Variants in SCN2B observed in about 807,000 individuals in gnomAD.
The protein encoded by SCN2B is sodium voltage-gated channel beta subunit 2.
In SCN2B, 14 loss-of-function variants were observed where a neutral mutation model predicts 18.2. The observed-to-expected ratio is 0.77, with a 90% CI of 0.51 to 1.21. The LOEUF is 1.21. SCN2B is among the 50% of genes most tolerant of loss of function. SCN2B has a pLI of 0.00. For synonymous variants in SCN2B, 115 were observed against 115.3 expected (o/e 1.00, Z 0.02); for missense variants, 262 against 286.9 (o/e 0.91, Z 0.63).
intron 1 of SCN2B, among the ~76,000 whole-genome samples, chr11:118,174,721 T>C (rs1360269270): frequency 6.6e-6 from 1 of 152,114 alleles, no homozygotes; most frequent in Non-Finnish European, 1.5e-5. Context: ...GACTCCCTCT[T>C]CCTCACCCTA....
rs1202454854 is a variant in SCN2B, at chr11:118,164,865, G to C, written c.*2022C>G. The C allele has an allele frequency of 1.3e-5, 2 of 152,662 alleles. No individual in the cohort carries two copies. Among genetic ancestry groups the C allele is most frequent in the Non-Finnish European group, 2.9e-5 (2 of 68,074 alleles). 9.5% of individuals were successfully genotyped at this position (152,662 alleles called of 1,614,324 possible). ...GCTGAATCTCCCAGATGATATTGCT[G>C]TCTCCCCAAATTGGCAATCTGATGG... is the stretch of plus-strand genomic sequence containing the variant. On this transcript the variant is annotated 3_prime_UTR_variant, in exon 4 of 4. Coordinates refer to ENST00000278947, the MANE Select transcript of SCN2B (RefSeq NM_004588.5).
chr11:118,175,694 C>G (rs1948463894), intron 1 of SCN2B, among the ~76,000 whole-genome samples: 1 of 152,166 alleles, frequency 6.6e-6, no homozygotes, highest in East Asian at 1.9e-4. Context: ...CCTCGCTCAG[C>G]CTGTGGGTTC....
intron 3 of SCN2B, among the ~76,000 whole-genome samples, chr11:118,167,622 T>A (rs1275691145): frequency 6.6e-6 from 1 of 152,214 alleles, no homozygotes; most frequent in Non-Finnish European, 1.5e-5. Context: ...AGTGGCACAA[T>A]CATGATTCAC....
chr11:118,170,574 TG>T (rs1267574316), intron 1 of SCN2B, among the ~76,000 whole-genome samples: 1 of 151,860 alleles, frequency 6.6e-6, no homozygotes, highest in Admixed American at 6.5e-5. Flanking sequence ...CCTGCAGGGT[TG>T]GGGAGTATGG....
chr11:118,172,865 A>G (rs913869719), intron 1 of SCN2B, among the ~76,000 whole-genome samples: 11 of 150,204 alleles, frequency 7.3e-5, no homozygotes, highest in African/African-American at 2.7e-4. Context: ...CCCTACAGCA[A>G]CCTATGAGGT....
chr11:118,168,690 A>G lies in SCN2B; in HGVS notation c.132T>C (p.Ser44=). ...VPATLNVLNG[S]DARLPCTFNS... is the part of the protein sequence containing the mutation. ...TGAAGGTGCAGGGCAGGCGGGCGTC[A>G]GAGCCATTGAGGACGTTGAGGGTGG... The change falls in exon 2 of 4, where the codon TCT becomes TCC. Residue 44 remains serine (S), a synonymous_variant. Transcript: ENST00000278947. The surrounding 1 kb of genome is among the most constrained non-coding windows in gnomAD (Gnocchi z 4.7). 6.2e-7 allele frequency: 1 copy of G among 1,614,244 alleles called. No individual in the cohort carries two copies. The highest frequency in any genetic ancestry group is 1.3e-5 in the African/African-American group (1 of 75,064).
rs1272837519 is a variant in SCN2B, at chr11:118,168,060, C to T, written c.448+25G>A. On this transcript the variant is annotated intron_variant, in intron 3 of 3. Transcript: ENST00000278947. The surrounding 1 kb of genome is among the most constrained non-coding windows in gnomAD (Gnocchi z 4.7). ...TAGGTGGGTGGGAAAGGTCAGGGCCCCGCAGCTGGCACCCCAGCCTTCACC... is the reference window on the plus strand; with the variant it reads ...TAGGTGGGTGGGAAAGGTCAGGGCCTCGCAGCTGGCACCCCAGCCTTCACC... 6.2e-7 allele frequency: 1 copy of T among 1,601,358 alleles called. No individual in the cohort carries two copies. Among genetic ancestry groups the T allele is most frequent in the Non-Finnish European group, 8.5e-7 (1 of 1,171,482 alleles).
intron 1 of SCN2B, among the ~76,000 whole-genome samples, chr11:118,174,801 G>A (rs974662134): frequency 7.2e-5 from 11 of 152,270 alleles, no homozygotes; most frequent in African/African-American, 2.4e-4. Context: ...CTCACCAGGC[G>A]GCTTCTCTCC....
chr11:118,172,886 T>C (rs1443210986), intron 1 of SCN2B, among the ~76,000 whole-genome samples: 1 of 108,788 alleles, frequency 9.2e-6, no homozygotes, highest in East Asian at 2.5e-4. Flanking sequence ...AATTATTTTC[T>C]TCTTGGTTTT....
rs1023356508 is a variant in SCN2B, at chr11:118,176,422, C to G, written c.10G>C (p.Asp4His). MHR[D>H]AWLPRPAFSL... ...AAGGCAGGGCGAGGTAGCCAGGCAT[C>G]TCTGTGCATTTTCAGAGACTGAGAT... The change falls in exon 1 of 4, where the codon GAT becomes CAT. Residue 4 changes from aspartate to histidine, a missense_variant. Transcript: ENST00000278947. 1.2e-6 allele frequency: 2 copies of G among 1,614,010 alleles called. No individual in the cohort carries two copies. Among genetic ancestry groups the G allele is most frequent in the East Asian group, 4.5e-5 (2 of 44,880 alleles).
At chr11:118,167,809 A>G (rs535156857) in intron 3 of SCN2B, among the ~76,000 whole-genome samples, 2 of 152,268 alleles carry the variant, frequency 1.3e-5, no homozygotes, top group South Asian at 2.1e-4. Context: ...TGCCTGCCTC[A>G]GCCTCCCAAA....
Position 118,176,595 on chromosome 11 carries a change from C to A in SCN2B, c.-164G>T. 1 of 580,228 alleles carries A rather than the reference C, an allele frequency of 1.7e-6. No individual in the cohort carries two copies. The highest frequency in any genetic ancestry group is 3.1e-6 in the Non-Finnish European group (1 of 319,320). 35.9% of individuals were successfully genotyped at this position (580,228 alleles called of 1,614,324 possible). A position where few individuals can be genotyped will look rare whatever the true frequency, so the allele number is the denominator to read the frequency against. Reference sequence around the variant, plus strand: ...CTTTATTTCCATCTCTCTAATATGGCCGGCTTGTATGTTGCTGCTAAAAAG... The same window carrying A: ...CTTTATTTCCATCTCTCTAATATGGACGGCTTGTATGTTGCTGCTAAAAAG... On this transcript the variant is annotated 5_prime_UTR_variant, in exon 1 of 4. Transcript: ENST00000278947.
Position 118,162,831 on chromosome 11 carries a change from G to T in SCN2B, c.*4056C>A, listed in dbSNP as rs539755265. 1.3e-5 allele frequency: 2 copies of T among 152,102 alleles called. No individual in the cohort carries two copies. Among genetic ancestry groups the T allele is most frequent in the African/African-American group, 4.8e-5 (2 of 41,390 alleles). 9.4% of individuals were successfully genotyped at this position (152,102 alleles called of 1,614,324 possible). Reference sequence around the variant, plus strand: ...TTTTCAGGGGAGATAGTTTATTGTTGCCAGTAGACCCAAACAATAAGACAA... The same window carrying T: ...TTTTCAGGGGAGATAGTTTATTGTTTCCAGTAGACCCAAACAATAAGACAA... On this transcript the variant is annotated 3_prime_UTR_variant, in exon 4 of 4. Coordinates refer to ENST00000278947, the MANE Select transcript of SCN2B (RefSeq NM_004588.5).
intron 1 of SCN2B, among the ~76,000 whole-genome samples, chr11:118,174,098 T>C (rs1390424230): frequency 2.4e-5 from 3 of 122,540 alleles, no homozygotes; most frequent in South Asian, 2.9e-4. Context: ...TTTCTTTTTT[T>C]TTTTTTTTTT....
At chr11:118,172,825 T>C (rs1396596748) in intron 1 of SCN2B, among the ~76,000 whole-genome samples, 2 of 152,040 alleles carry the variant, frequency 1.3e-5, no homozygotes, top group Non-Finnish European at 2.9e-5. Flanking sequence ...TTGCAGAGAC[T>C]GGAAGTTAAT....
Position 118,176,586 on chromosome 11 carries a change from C to T in SCN2B, c.-155G>A. The T allele has an allele frequency of 1.6e-6, 1 of 606,788 alleles. No individual in the cohort carries two copies. Among genetic ancestry groups the T allele is most frequent in the South Asian group, 1.9e-5 (1 of 52,842 alleles). 37.6% of individuals were successfully genotyped at this position (606,788 alleles called of 1,614,324 possible). On this transcript the variant is annotated 5_prime_UTR_variant, in exon 1 of 4. Transcript: ENST00000278947. Reference sequence around the variant, plus strand: ...TTAAGGAAGCTTTATTTCCATCTCTCTAATATGGCCGGCTTGTATGTTGCT... The same window carrying T: ...TTAAGGAAGCTTTATTTCCATCTCTTTAATATGGCCGGCTTGTATGTTGCT...
chr11:118,168,776 G>A lies in SCN2B; in HGVS notation c.71-25C>T. On this transcript the variant is annotated intron_variant, in intron 1 of 3. Coordinates refer to ENST00000278947, the MANE Select transcript of SCN2B (RefSeq NM_004588.5). This position sits in a 1 kb window ranked among gnomAD's most constrained non-coding sequence, Gnocchi z 4.7. Reference sequence around the variant, plus strand: ...ACTGCAGATGAAGCCACAAGCTGGTGAGGAGTCTGGCTGAAAGGGCTGGGG... The same window carrying A: ...ACTGCAGATGAAGCCACAAGCTGGTAAGGAGTCTGGCTGAAAGGGCTGGGG... The A allele has an allele frequency of 6.2e-7, 1 of 1,613,818 alleles. No individual in the cohort carries two copies. The highest frequency in any genetic ancestry group is 8.5e-7 in the Non-Finnish European group (1 of 1,179,992).
chr11:118,167,950 T>C, intron 3 of SCN2B, 135 bp downstream of exon 3: 1 of 738,068 alleles, frequency 1.4e-6, no homozygotes, highest in Non-Finnish European at 2.4e-6. Context: ...AGAAAATGGA[T>C]TCCTTCTATG....
chr11:118,166,906 G>T lies in SCN2B; in HGVS notation c.629C>A (p.Pro210Gln), dbSNP rs144248214. 1.9e-6 allele frequency: 3 copies of T among 1,613,982 alleles called. No homozygotes were observed. The highest frequency in any genetic ancestry group is 1.3e-5 in the African/African-American group (1 of 74,998). ...EEGKTDGEGN[P>Q]DDGAK is the part of the protein sequence containing the mutation. ...CACCCACTACTTGGCGCCATCATCC[G>T]GGTTGCCTTCACCGTCCGTCTTGCC... Residue 210 changes from proline to glutamine, a missense_variant, in exon 4 of 4, where the codon CCG becomes CAG. Transcript: ENST00000278947.
Sources: allele counts gnomAD v4.1 joint callset (sites outside exome capture counted in the v4.1 genomes callset), GRCh38; gene constraint gnomAD v4.1.1; non-coding constraint Gnocchi (gnomAD v3.1); transcripts MANE v1.5; gene names NCBI Gene and HGNC (gene_info 2026-07-23, HGNC 2026-07-21).